SERPINA10: variants seen among roughly 807,000 people sequenced by gnomAD.
SERPINA10 encodes protein Z-dependent protease inhibitor.
A neutral mutation model predicts 28.0 loss-of-function variants in SERPINA10; 24 were observed. The observed-to-expected ratio is 0.86, with a 90% CI of 0.62 to 1.20. The LOEUF is 1.20. SERPINA10 is among the 50% of genes most tolerant of loss of function. The pLI is 0.00. For synonymous variants in SERPINA10, 207 were observed against 203.9 expected (o/e 1.02, Z -0.13); for missense variants, 521 against 537.7 (o/e 0.97, Z 0.31).
At position 94,292,536 on chromosome 14, in the gene SERPINA10, T is replaced by C. The variant is rs552980057; in HGVS notation, c.-51+653A>G. 3.1e-5 allele frequency: 22 copies of C among 699,132 alleles called. No individual in the cohort carries two copies. The African/African-American group carries it at 3.9e-4, about 12-fold the overall frequency. The allele number at this position is 699,132 out of a possible 1,614,324, so 43.3% of individuals were successfully genotyped here. ...ATACTCCTGAATTCAAGGTTACTTCTCCCTGTACAATGGTCAGGAAATTAG... is the reference window on the plus strand; with the variant it reads ...ATACTCCTGAATTCAAGGTTACTTCCCCCTGTACAATGGTCAGGAAATTAG... On this transcript the variant is annotated intron_variant, in intron 1 of 4. Coordinates refer to ENST00000261994, the MANE Select transcript of SERPINA10 (RefSeq NM_001100607.3).
chr14:94,291,505 T>C (rs563766834), intron 1 of SERPINA10, among the ~76,000 whole-genome samples: 1 of 152,246 alleles, frequency 6.6e-6, no homozygotes, highest in Non-Finnish European at 1.5e-5. Context: ...GGCTTGGGAC[T>C]GGCCTGGGCC....
In SERPINA10 at chr14:94,281,229, G is replaced by A. The variant is rs1894891981; in HGVS notation, c.*2736C>T. 1 of 152,206 alleles carries A rather than the reference G, an allele frequency of 6.6e-6. No individual in the cohort carries two copies. The highest frequency in any genetic ancestry group is 2.1e-4 in the South Asian group (1 of 4,820). The allele number at this position is 152,206 out of a possible 1,614,324, so 9.4% of individuals were successfully genotyped here. A position where few individuals can be genotyped will look rare whatever the true frequency, so the allele number is the denominator to read the frequency against. ...AGGCGGGCAGATCACAAGGTCAGGA[G>A]ATCAAGACCATCCTGACTAACACAG... On this transcript the variant is annotated 3_prime_UTR_variant, in exon 5 of 5. Coordinates refer to ENST00000261994, the MANE Select transcript of SERPINA10 (RefSeq NM_001100607.3).
At chr14:94,284,979 T>C (rs1894985189) in intron 4 of SERPINA10, among the ~76,000 whole-genome samples, 1 of 152,194 alleles carries the variant, frequency 6.6e-6, no homozygotes, top group South Asian at 2.1e-4. Flanking sequence ...CACTTTCAGG[T>C]GCTGGTCTGA....
At position 94,288,267 on chromosome 14, in the gene SERPINA10, G is replaced by T; in HGVS notation, c.992+19C>A. 1 of 1,612,918 alleles carries T rather than the reference G, an allele frequency of 6.2e-7. No individual in the cohort carries two copies. The highest frequency in any genetic ancestry group is 8.5e-7 in the Non-Finnish European group (1 of 1,179,972). ...TACAGAAAGGTAGAGTTTGTATAGG[G>T]TGTGGGCAAGAGTTGTACCTGGTTT... On this transcript the variant is annotated intron_variant, in intron 3 of 4. Coordinates refer to ENST00000261994, the MANE Select transcript of SERPINA10 (RefSeq NM_001100607.3).
chr14:94,289,301 G>A (rs923514859), intron 2 of SERPINA10, among the ~76,000 whole-genome samples: 2 of 152,226 alleles, frequency 1.3e-5, no homozygotes, highest in Non-Finnish European at 2.9e-5. Context: ...CTTACTGTGT[G>A]ACCTTGATCA....
Position 94,290,002 on chromosome 14 carries a change from C to T in SERPINA10, c.592G>A (p.Ala198Thr). 6.2e-7 allele frequency: 1 copy of T among 1,614,232 alleles called. No homozygotes were observed. The highest frequency in any genetic ancestry group is 8.5e-7 in the Non-Finnish European group (1 of 1,180,040). ...TECVPMNFRN[A>T]SQAKRLMNHY... is the part of the protein sequence containing the mutation. ...TTCATGAGCCTTTTGGCCTGTGAGGCATTGCGAAAATTCATAGGCACGCAC... is the reference window on the plus strand; with the variant it reads ...TTCATGAGCCTTTTGGCCTGTGAGGTATTGCGAAAATTCATAGGCACGCAC... The change falls in exon 2 of 5, where the codon GCC becomes ACC. Residue 198 changes from alanine to threonine, a missense_variant. Coordinates refer to ENST00000261994, the MANE Select transcript of SERPINA10 (RefSeq NM_001100607.3).
chr14:94,288,815 G>A lies in SERPINA10; in HGVS notation c.719-256C>T, dbSNP rs542609624. On this transcript the variant is annotated intron_variant, in intron 2 of 4. Transcript: ENST00000261994. ...CCACTCGCAGGCCCTATTGGGAATC[G>A]CACACGAAAGCAGGGAAATGTTTCC... Among the ~76,000 whole-genome samples, 79 of 152,262 alleles carry A rather than the reference G, an allele frequency of 5.2e-4. 1 individual carries two copies. The highest frequency in any genetic ancestry group is 1.8e-3 in the African/African-American group (74 of 41,532).
At chr14:94,292,995 G>T in intron 1 of SERPINA10, 194 bp downstream of exon 1, 1 of 346,074 alleles carries the variant, frequency 2.9e-6, no homozygotes, top group Non-Finnish European at 5.6e-6. Context: ...AGCCCCTTGT[G>T]TCTATAATTC....
Position 94,284,097 on chromosome 14 carries a change from G to T in SERPINA10, c.1203C>A (p.Ile401=). Residue 401 remains isoleucine (I), a synonymous_variant, in exon 5 of 5, where the codon ATC becomes ATA. Coordinates refer to ENST00000261994, the MANE Select transcript of SERPINA10 (RefSeq NM_001100607.3). ...TGGAATAAGCAGTAATTTCTGACAA[G>T]ATTCCTGCCACTGCCTCAGTGCCCC... ...DERGTEAVAG[I]LSEITAYSMP... is the part of the protein sequence containing the mutation. 1 of 1,614,084 alleles carries T rather than the reference G, an allele frequency of 6.2e-7. No individual in the cohort carries two copies. Among genetic ancestry groups the T allele is most frequent in the Non-Finnish European group, 8.5e-7 (1 of 1,179,948 alleles).
chr14:94,290,755 C>T, intron 1 of SERPINA10, 112 bp from the exon 2 acceptor site: 2 of 1,229,966 alleles, frequency 1.6e-6, no homozygotes, highest in East Asian at 2.5e-5. Flanking sequence ...GTAGGTTAGC[C>T]CTGCCCCAGG....
Position 94,290,541 on chromosome 14 carries a change from A to G in SERPINA10, c.53T>C (p.Leu18Pro), listed in dbSNP as rs370277728. ...LLSVLLAQVW[L>P]VPGLAPSPQS... ...AGGACTGGGGGCCAAGCCGGGTACC[A>G]GCCACACCTGTGCCAGGAGGACGGA... is the stretch of plus-strand genomic sequence containing the variant. Residue 18 changes from leucine (L) to proline (P), a missense_variant, in exon 2 of 5, where the codon CTG becomes CCG. By Grantham distance (98) the Leu-to-Pro change is moderately conservative (BLOSUM62 -3). Coordinates refer to ENST00000261994, the MANE Select transcript of SERPINA10 (RefSeq NM_001100607.3). The G allele has an allele frequency of 1.2e-6, 2 of 1,613,608 alleles. No homozygotes were observed. Among genetic ancestry groups the G allele is most frequent in the Non-Finnish European group, 1.7e-6 (2 of 1,179,846 alleles).
intron 4 of SERPINA10, 26 bp from the exon 5 acceptor site, chr14:94,284,182 AC>A: frequency 6.2e-7 from 1 of 1,603,706 alleles, no homozygotes; most frequent in South Asian, 1.1e-5. Context: ...AATGTGAAAA[AC>A]CATTTGTGTG....
Position 94,282,767 on chromosome 14 carries a change from T to C in SERPINA10, c.*1198A>G, listed in dbSNP as rs529868800. ...TAACTTTGAAGCTAGATATGCAACT[T>C]TGAAAGACGAATATATTCATCTTTC... On this transcript the variant is annotated 3_prime_UTR_variant, in exon 5 of 5. Coordinates refer to ENST00000261994, the MANE Select transcript of SERPINA10 (RefSeq NM_001100607.3). 6.6e-6 allele frequency: 1 copy of C among 152,352 alleles called. No homozygotes were observed. Among genetic ancestry groups the C allele is most frequent in the South Asian group, 2.1e-4 (1 of 4,818 alleles). The allele number at this position is 152,352 out of a possible 1,614,324, so 9.4% of individuals were successfully genotyped here.
Position 94,286,721 on chromosome 14 carries a change from G to T in SERPINA10, c.993-463C>A, listed in dbSNP as rs542855302. 8.5e-5 allele frequency among the ~76,000 whole-genome samples: 13 copies of T among 152,294 alleles called. No homozygotes were observed. In the East Asian group the frequency reaches 2.1e-3, roughly 25 times the overall value. On this transcript the variant is annotated intron_variant, in intron 3 of 4. Transcript: ENST00000261994. ...GATACCATCTATTTTGTATACTGGA[G>T]TCCTCCTTTGAAAATATGTTGCTTG...
chr14:94,292,305 C>T (rs1056259282), intron 1 of SERPINA10, among the ~76,000 whole-genome samples: 4 of 152,002 alleles, frequency 2.6e-5, no homozygotes, highest in East Asian at 1.9e-4. Context: ...GGACACGGTG[C>T]GAAGGTGGCC....
In SERPINA10 at chr14:94,290,555, C is replaced by T; in HGVS notation, c.39G>A (p.Leu13=). The T allele has an allele frequency of 6.2e-7, 1 of 1,613,640 alleles. No individual in the cohort carries two copies. Among genetic ancestry groups the T allele is most frequent in the East Asian group, 2.2e-5 (1 of 44,864 alleles). The change falls in exon 2 of 5, where the codon CTG becomes CTA. Residue 13 remains leucine, a synonymous_variant. Transcript: ENST00000261994. The stretch of plus-strand genomic sequence containing the variant: ...AGCCGGGTACCAGCCACACCTGTGC[C>T]AGGAGGACGGAGAGCAGGAGACTTG... ...VVPSLLLSVL[L]AQVWLVPGLA...
Position 94,283,992 on chromosome 14 carries a change from G to C in SERPINA10, c.1308C>G (p.Gly436=), listed in dbSNP as rs1245320074. ...EETSGMLLFL[G]RVVNPTLL is the part of the protein sequence containing the mutation. ...ATAGGAGAGTCGGATTCACCACCCT[G>C]CCCAGAAACAGAAGCATTCCAGAGG... Residue 436 remains glycine, a synonymous_variant, in exon 5 of 5, where the codon GGC becomes GGG. Coordinates refer to ENST00000261994, the MANE Select transcript of SERPINA10 (RefSeq NM_001100607.3). 1 of 1,614,054 alleles carries C rather than the reference G, an allele frequency of 6.2e-7. No individual in the cohort carries two copies. The highest frequency in any genetic ancestry group is 1.3e-5 in the African/African-American group (1 of 75,048).
Position 94,283,915 on chromosome 14 carries a change from C to A in SERPINA10, c.*50G>T. 6.4e-7 allele frequency: 1 copy of A among 1,566,224 alleles called. No homozygotes were observed. The highest frequency in any genetic ancestry group is 8.8e-7 in the Non-Finnish European group (1 of 1,136,700). ...GCTGGTATCCTGTGTGTGTTTGATACCTCAGATTCAGCATCTACTACAGCA... is the reference window on the plus strand; with the variant it reads ...GCTGGTATCCTGTGTGTGTTTGATAACTCAGATTCAGCATCTACTACAGCA... On this transcript the variant is annotated 3_prime_UTR_variant, in exon 5 of 5. Coordinates refer to ENST00000261994, the MANE Select transcript of SERPINA10 (RefSeq NM_001100607.3).
intron 4 of SERPINA10, among the ~76,000 whole-genome samples, chr14:94,285,122 A>G (rs1306021394): frequency 1.3e-5 from 2 of 152,192 alleles, no homozygotes; most frequent in Middle Eastern, 3.2e-3. Flanking sequence ...TTGCAATTGT[A>G]TAAGAAAATA....
Sources: gnomAD v4.1 joint callset for allele counts (sites outside exome capture counted in the v4.1 genomes callset) on GRCh38, gnomAD v4.1.1 for gene constraint, MANE v1.5 for transcripts, NCBI Gene and HGNC (gene_info 2026-07-23, HGNC 2026-07-21) for gene names.